The following BAZ2A variants were observed in gnomAD, a reference collection of about 807,000 sequenced individuals.
BAZ2A encodes the protein bromodomain adjacent to zinc finger domain 2A, also known as bromodomain adjacent to zinc finger domain protein 2A.
In BAZ2A, 34 loss-of-function variants were observed where a neutral mutation model predicts 199.9. That is an observed-to-expected ratio of 0.17 (90% CI 0.13 to 0.23). The LOEUF (loss-of-function observed/expected upper bound fraction) is 0.23, where lower values mean the gene tolerates loss of function less well. BAZ2A is among the 10% of genes least tolerant of loss of function. The pLI is 1.00. For missense variants in BAZ2A, 2,002 were observed against 2,391.1 expected (o/e 0.84, Z 3.39); for synonymous variants, 857 against 883.9 (o/e 0.97, Z 0.54).
intron 10 of BAZ2A, among the ~76,000 whole-genome samples, chr12:56,609,240 TG>T (rs1304527582): frequency 6.6e-6 from 1 of 151,730 alleles, no homozygotes; most frequent in Non-Finnish European, 1.5e-5. Context: ...ATAACACAAC[TG>T]AAGTTTACTG....
At chr12:56,622,169 T>C (rs777497773) in intron 1 of BAZ2A, among the ~76,000 whole-genome samples, 3 of 152,066 alleles carry the variant, frequency 2.0e-5, no homozygotes, top group African/African-American at 4.8e-5. Context: ...CGAAACCCCA[T>C]CTCTATTAAA....
chr12:56,610,608 C>T, intron 7 of BAZ2A, 91 bp from the exon 8 acceptor site: 1 of 1,100,672 alleles, frequency 9.1e-7, no homozygotes, highest in Non-Finnish European at 1.3e-6. Context: ...GCAGATGGCC[C>T]TCCCCACATT....
rs755123002 is a variant in BAZ2A at position 56,604,661 on chromosome 12, C to T, written c.2887G>A (p.Ala963Thr). 35 of 1,611,116 alleles carry T rather than the reference C, an allele frequency of 2.2e-5. No homozygotes were observed. The highest frequency in any genetic ancestry group is 3.0e-5 in the Non-Finnish European group (35 of 1,178,758). The change falls in exon 15 of 29, where the codon GCC becomes ACC. Residue 963 changes from alanine (A) to threonine (T), a missense_variant. Ala to Thr is a moderately conservative substitution (Grantham distance 58). Around this residue, in one of 6 missense-constraint regions of BAZ2A, gnomAD observed 1,081 missense variants for 1,274.7 expected, o/e 0.85. Transcript: ENST00000549884. The part of the protein sequence containing the change: ...CDRLRTQPFQ[A>T]QPPQQKAAVL... ...GCAGCCTTCTGCTGGGGTGGCTGGG[C>T]CTGAAAAGGCTGGGTGCGCAGGCGG... is the stretch of plus-strand genomic sequence containing the variant.
At position 56,612,250 on chromosome 12, in the gene BAZ2A, G is replaced by C. The variant is rs753658534; in HGVS notation, c.1136-4C>G. ...TTATTCAGGTCAAAGCTGTTATCTAGAATCCAAAGGGACAGGATAGGCTTT... is the reference window on the plus strand; with the variant it reads ...TTATTCAGGTCAAAGCTGTTATCTACAATCCAAAGGGACAGGATAGGCTTT... On this transcript the variant is annotated splice_region_variant and splice_polypyrimidine_tract_variant and intron_variant, in intron 5 of 28. Coordinates refer to ENST00000549884, the MANE Select transcript of BAZ2A (RefSeq NM_001300905.2). 6.2e-7 allele frequency: 1 copy of C among 1,606,424 alleles called. No individual in the cohort carries two copies. Among genetic ancestry groups the C allele is most frequent in the Non-Finnish European group, 8.5e-7 (1 of 1,174,512 alleles).
rs1204014081 is a variant in BAZ2A, at chr12:56,604,182, CCTCTCTGAGGCTCTA to C, written c.3038+20_3038+34del. The C allele has an allele frequency of 1.9e-6, 3 of 1,569,670 alleles. No individual in the cohort carries two copies. Among genetic ancestry groups the C allele is most frequent in the Admixed American group, 3.6e-5 (2 of 55,450 alleles). ...TATGCTTCACCCGCCCCACTTCTCTCCTCTCTGAGGCTCTACTCTCTGTCTGGTCCCTACCTCCGG... is the reference window on the plus strand; with the variant it reads ...TATGCTTCACCCGCCCCACTTCTCTCCTCTCTGTCTGGTCCCTACCTCCGG... On this transcript the variant is annotated intron_variant, in intron 16 of 28. Coordinates refer to ENST00000549884, the MANE Select transcript of BAZ2A (RefSeq NM_001300905.2).
At chr12:56,617,151 G>A (rs1950750147) in intron 2 of BAZ2A, among the ~76,000 whole-genome samples, 1 of 152,118 alleles carries the variant, frequency 6.6e-6, no homozygotes, top group Non-Finnish European at 1.5e-5. Context: ...CCACTTCACT[G>A]CTCTGTCAGC....
At chr12:56,636,340 G>A in exon 1 of BAZ2A, 1 of 1,435,578 alleles carries the variant, frequency 7.0e-7, no homozygotes, top group East Asian at 2.7e-5. Context: ...GAACCACACA[G>A]CCTGAACTGC....
chr12:56,604,172 C>A, intron 16 of BAZ2A, 45 bp downstream of exon 16: 2 of 1,544,152 alleles, frequency 1.3e-6, no homozygotes, highest in East Asian at 2.3e-5. Context: ...TTCACCCGCC[C>A]CACTTCTCTC....
chr12:56,619,285 C>T (rs989224485), intron 1 of BAZ2A, among the ~76,000 whole-genome samples: 1 of 150,952 alleles, frequency 6.6e-6, no homozygotes, highest in Non-Finnish European at 1.5e-5. Flanking sequence ...ACGGAGGTTG[C>T]AGTGAGCGGA....
intron 1 of BAZ2A, among the ~76,000 whole-genome samples, chr12:56,618,730 T>A (rs190252102): frequency 6.6e-6 from 1 of 151,006 alleles, no homozygotes; most frequent in East Asian, 2.0e-4. Context: ...ATTAGCTGGG[T>A]GTGGTGGCAG....
intron 1 of BAZ2A, 126 bp from the exon 2 acceptor site, chr12:56,617,658 G>A: frequency 5.9e-6 from 6 of 1,019,696 alleles, no homozygotes; most frequent in South Asian, 5.6e-5. Flanking sequence ...TAAGTACTGT[G>A]TGAGGGAAGG....
Position 56,598,646 on chromosome 12 carries a change from A to G in BAZ2A, c.5684T>C (p.Phe1895Ser). 1 of 1,613,780 alleles carries G rather than the reference A, an allele frequency of 6.2e-7. No homozygotes were observed. Among genetic ancestry groups the G allele is most frequent in the Non-Finnish European group, 8.5e-7 (1 of 1,179,852 alleles). Residue 1895 changes from phenylalanine to serine, a missense_variant, in exon 29 of 29, where the codon TTT becomes TCT. Physicochemically the swap from Phe to Ser is radical, Grantham distance 155. Transcript: ENST00000549884. Reference sequence around the variant, plus strand: ...CAGATTGGCCTGTTTTCCCTGATAAAACTCCTCCCAGCGGCTCTCGAAGAA... The same window carrying G: ...CAGATTGGCCTGTTTTCCCTGATAAGACTCCTCCCAGCGGCTCTCGAAGAA... ...RRFFESRWEE[F>S]YQGKQANL is the part of the protein sequence containing the mutation.
rs778888004 is a variant in BAZ2A, at chr12:56,602,805, G to A, written c.3332C>T (p.Ala1111Val). 5 of 1,613,606 alleles carry A rather than the reference G, an allele frequency of 3.1e-6. No individual in the cohort carries two copies. Among genetic ancestry groups the A allele is most frequent in the African/African-American group, 2.7e-5 (2 of 74,932 alleles). ...KLLHSSQMLRAVSLGQDRYRR... is the reference protein window; with the variant it reads ...KLLHSSQMLRVVSLGQDRYRR... ...GTAGCGGTCCTGACCCAGGGAGACC[G>A]CCCGAAGCATCTGGGATGAGTGAAG... The change falls in exon 19 of 29, where the codon GCG becomes GTG. Residue 1111 changes from alanine (A) to valine (V), a missense_variant. Around this residue, in one of 6 missense-constraint regions of BAZ2A, gnomAD observed 1,081 missense variants for 1,274.7 expected, o/e 0.85. Coordinates refer to ENST00000549884, the MANE Select transcript of BAZ2A (RefSeq NM_001300905.2).
Position 56,598,848 on chromosome 12 carries a change from G to C in BAZ2A, c.5546+20C>G. On this transcript the variant is annotated intron_variant, in intron 28 of 28. Transcript: ENST00000549884. ...TTGCAGCAGTAGCAAAGACCGGGCG[G>C]TTCACCCACATCTACTTACCCTCCC... 1 of 1,606,170 alleles carries C rather than the reference G, an allele frequency of 6.2e-7. No individual in the cohort carries two copies. The highest frequency in any genetic ancestry group is 1.7e-5 in the Admixed American group (1 of 58,688).
At chr12:56,631,533 ACTT>A (rs1951311303), upstream of BAZ2A, among the ~76,000 whole-genome samples, 3 of 152,030 alleles carry the variant, frequency 2.0e-5, no homozygotes, top group South Asian at 6.2e-4. Flanking sequence ...AGGTTCAATG[ACTT>A]CTTCAATGTC....
At chr12:56,610,969 T>C (rs955728015) in intron 7 of BAZ2A, among the ~76,000 whole-genome samples, 1 of 152,122 alleles carries the variant, frequency 6.6e-6, no homozygotes, top group Admixed American at 6.5e-5. Flanking sequence ...GAACTCTGTG[T>C]TCTGAGCAGA....
intron 1 of BAZ2A, among the ~76,000 whole-genome samples, chr12:56,627,685 A>C (rs1255788241): frequency 6.6e-6 from 1 of 150,840 alleles, no homozygotes; most frequent in African/African-American, 2.4e-5. Context: ...AATTAGCTGG[A>C]TGTGGTGGTG....
intron 5 of BAZ2A, among the ~76,000 whole-genome samples, chr12:56,612,584 C>A (rs1950592926): frequency 6.6e-6 from 1 of 152,198 alleles, no homozygotes; most frequent in African/African-American, 2.4e-5. Flanking sequence ...CCACCATACA[C>A]TATCCCATAG....
chr12:56,601,240 A>G lies in BAZ2A; in HGVS notation c.4234T>C (p.Phe1412Leu), dbSNP rs1337417187. Residue 1412 changes from phenylalanine to leucine, a missense_variant, in exon 21 of 29, where the codon TTC becomes CTC. Around this residue, in one of 6 missense-constraint regions of BAZ2A, gnomAD observed 1,081 missense variants for 1,274.7 expected, o/e 0.85. Transcript: ENST00000549884. Reference sequence around the variant, plus strand: ...TAACGCTGTTCCATCTGTTTGAAGAACTTACTGGGAGGTCTCCCTCTCCGT... The same window carrying G: ...TAACGCTGTTCCATCTGTTTGAAGAGCTTACTGGGAGGTCTCCCTCTCCGT... ...PKRRGRPPSK[F>L]FKQMEQRYLT... 6.2e-7 allele frequency: 1 copy of G among 1,613,924 alleles called. No individual in the cohort carries two copies. The highest frequency in any genetic ancestry group is 2.2e-5 in the East Asian group (1 of 44,864).
Sources: gnomAD v4.1 joint callset for allele counts (sites outside exome capture counted in the v4.1 genomes callset) on GRCh38, gnomAD v4.1.1 for gene constraint, gnomAD v4.1.1 regional missense constraint, MANE v1.5 for transcripts, NCBI Gene and HGNC (gene_info 2026-07-23, HGNC 2026-07-21) for gene names.